Variants in NID2 observed in about 807,000 individuals in gnomAD.
NID2 encodes the protein nidogen-2.
A neutral mutation model predicts 145.4 loss-of-function variants in NID2; 83 were observed. The observed-to-expected ratio is 0.57, with a 90% CI of 0.48 to 0.69. The LOEUF is 0.69. NID2 is among the 30% of genes least tolerant of loss of function. NID2 has a pLI of 0.00. For missense variants in NID2, 1,807 were observed against 1,765.7 expected, an observed-to-expected ratio of 1.02 and a Z score of -0.42; for synonymous variants, 739 against 701.3, an observed-to-expected ratio of 1.05 and a Z score of -0.85.
chr14:52,019,364 GC>G, intron 13 of NID2, 70 bp from the exon 14 acceptor site: 1 of 1,265,380 alleles, frequency 7.9e-7, no homozygotes. Context: ...CACTTCACCA[GC>G]CCACAGCGTG....
At position 52,057,239 on chromosome 14, in the gene NID2, C is replaced by T. The variant is rs561173432; in HGVS notation, c.767+2885G>A. On this transcript the variant is annotated intron_variant, in intron 3 of 21. Transcript: ENST00000216286. Reference sequence around the variant, plus strand: ...TAAATTTTTAGTAGAGATTAGGTCTCGCTATGTTGCCCAGGCTGGCCTTGA... The same window carrying T: ...TAAATTTTTAGTAGAGATTAGGTCTTGCTATGTTGCCCAGGCTGGCCTTGA... Among the ~76,000 whole-genome samples, 718 of 152,182 alleles carry T rather than the reference C, an allele frequency of 4.7e-3. 7 individuals are homozygous for T. Among genetic ancestry groups the T allele is most frequent in the African/African-American group, 0.016 (670 of 41,532 alleles).
Position 52,040,811 on chromosome 14 carries a change from C to A in NID2, c.1866G>T (p.Pro622=), listed in dbSNP as rs146481572. ...GAGTGATACGAACCGTCTCCTCTCCCGGGTAGAATGTAACTTCCATGTCAT... is the reference window on the plus strand; with the variant it reads ...GAGTGATACGAACCGTCTCCTCTCCAGGGTAGAATGTAACTTCCATGTCAT... ...FTHDMEVTFY[P]GEETVRITQT... is the part of the protein sequence containing the mutation. Residue 622 remains proline (P), a synonymous_variant, in exon 8 of 22, where the codon CCG becomes CCT. Transcript: ENST00000216286. 1.9e-6 allele frequency: 3 copies of A among 1,614,132 alleles called. No individual in the cohort carries two copies. Among genetic ancestry groups the A allele is most frequent in the East Asian group, 4.5e-5 (2 of 44,880 alleles).
At chr14:52,030,607 A>AACGGAAGGAAGG (rs1891815674) in intron 9 of NID2, among the ~76,000 whole-genome samples, 5 of 122,696 alleles carry the variant, frequency 4.1e-5, no homozygotes, top group African/African-American at 9.1e-5. Context: ...AGAAAGAAAG[A>AACGGAAGGAAGG]GAAAGAAAAA....
intron 12 of NID2, among the ~76,000 whole-genome samples, chr14:52,023,267 A>G (rs1891465598): frequency 3.3e-5 from 5 of 152,174 alleles, no homozygotes; most frequent in African/African-American, 1.2e-4. Context: ...GATTGAGCTC[A>G]GGAGTTTGAG....
chr14:52,015,696 C>T lies in NID2; in HGVS notation c.3029-421G>A, dbSNP rs77529703. On this transcript the variant is annotated intron_variant, in intron 14 of 21. Coordinates refer to ENST00000216286, the MANE Select transcript of NID2 (RefSeq NM_007361.4). ...AGGTGATCCTTGGGGACTCAGTAGC[C>T]GAGGTGATGCTTAAAGCCAATTTGT... Among the ~76,000 whole-genome samples, 606 of 152,252 alleles carry T rather than the reference C, an allele frequency of 4.0e-3. 1 individual carries two copies. Among genetic ancestry groups the T allele is most frequent in the African/African-American group, 0.014 (568 of 41,544 alleles).
At chr14:52,015,890 TTAG>T (rs1247197621) in intron 14 of NID2, among the ~76,000 whole-genome samples, 2 of 152,132 alleles carry the variant, frequency 1.3e-5, no homozygotes, top group African/African-American at 4.8e-5. Flanking sequence ...CTGAGTGGAA[TTAG>T]TAGTAAAGCA....
chr14:52,038,606 G>T, intron 9 of NID2, 141 bp downstream of exon 9: 1 of 561,008 alleles, frequency 1.8e-6, no homozygotes, highest in Non-Finnish European at 2.9e-6. Context: ...CAACTCAAGG[G>T]CAAGGATCTG....
chr14:52,023,371 C>T (rs1341016682), intron 12 of NID2, among the ~76,000 whole-genome samples: 1 of 151,906 alleles, frequency 6.6e-6, no homozygotes, highest in Non-Finnish European at 1.5e-5. Context: ...GTGAGGATCA[C>T]TTGAGCCTGG....
In NID2 at chr14:52,031,678, C is replaced by A. The variant is rs79432691; in HGVS notation, c.2258-1988G>T. The stretch of plus-strand genomic sequence containing the variant: ...CAGCATCATGGCATCTGTAGGCAGA[C>A]ACTGGCAGTACCACCCATTTTACCA... On this transcript the variant is annotated intron_variant, in intron 9 of 21. Coordinates refer to ENST00000216286, the MANE Select transcript of NID2 (RefSeq NM_007361.4). Among the ~76,000 whole-genome samples the A allele has an allele frequency of 5.9e-5, 9 of 152,334 alleles. No homozygotes were observed. In the East Asian group the frequency reaches 1.7e-3, roughly 29 times the overall value.
intron 3 of NID2, 23 bp from the exon 4 acceptor site, chr14:52,054,344 T>C: frequency 6.3e-7 from 1 of 1,592,914 alleles, no homozygotes; most frequent in South Asian, 1.1e-5. Context: ...GAAACAGTCA[T>C]TGTAACAAAT....
At chr14:52,010,732 C>G (rs1841127728) in intron 18 of NID2, 144 bp downstream of exon 18, 1 of 778,684 alleles carries the variant, frequency 1.3e-6, no homozygotes, top group South Asian at 1.8e-5. Flanking sequence ...CCTGACACCT[C>G]TTAGATCCTC....
chr14:52,058,737 C>T (rs1381886145), intron 3 of NID2, among the ~76,000 whole-genome samples: 1 of 152,114 alleles, frequency 6.6e-6, no homozygotes, highest in Non-Finnish European at 1.5e-5. Flanking sequence ...ATTTGTCTAT[C>T]AACCCTAATA....
At chr14:52,056,751 C>T (rs913154478) in intron 3 of NID2, among the ~76,000 whole-genome samples, 3 of 152,104 alleles carry the variant, frequency 2.0e-5, no homozygotes, top group African/African-American at 7.2e-5. Context: ...GAGGTCATGC[C>T]ACTGCACTCC....
At position 52,065,904 on chromosome 14, in the gene NID2, T is replaced by C. The variant is rs1461567877; in HGVS notation, c.534+1954A>G. On this transcript the variant is annotated intron_variant, in intron 2 of 21. Coordinates refer to ENST00000216286, the MANE Select transcript of NID2 (RefSeq NM_007361.4). Reference sequence around the variant, plus strand: ...CACATTTTCTTAATCCAGTCTATCATTGTTGGACATTTGGGTTGGTTCCAA... The same window carrying C: ...CACATTTTCTTAATCCAGTCTATCACTGTTGGACATTTGGGTTGGTTCCAA... Among the ~76,000 whole-genome samples, 5 of 144,280 alleles carry C rather than the reference T, an allele frequency of 3.5e-5. No homozygotes were observed. In the East Asian group the frequency reaches 6.0e-4, roughly 17 times the overall value. The allele number at this position is 144,280 out of a possible 152,430, so 94.7% of individuals were successfully genotyped here.
intron 14 of NID2, among the ~76,000 whole-genome samples, chr14:52,018,348 T>A (rs1891287294): frequency 6.6e-6 from 1 of 152,238 alleles, no homozygotes; most frequent in Non-Finnish European, 1.5e-5. Flanking sequence ...AAGTTTTACC[T>A]ATCCCTGAAT....
At chr14:52,068,663 T>G in intron 1 of NID2, 104 bp downstream of exon 1, 1 of 1,014,424 alleles carries the variant, frequency 9.9e-7, no homozygotes, top group Non-Finnish European at 1.5e-6. Context: ...GCTGGGGGGC[T>G]CCAGGAGTGG....
chr14:52,048,491 A>G (rs2749881), intron 5 of NID2, among the ~76,000 whole-genome samples: 78,232 of 151,698 alleles, frequency 0.52, 20,500 homozygotes, highest in South Asian at 0.6. Flanking sequence ...TGAGATGTGC[A>G]ATAAACCCAC....
chr14:52,065,125 C>A (rs888843522), intron 2 of NID2, among the ~76,000 whole-genome samples: 3 of 152,114 alleles, frequency 2.0e-5, no homozygotes, highest in Admixed American at 2.0e-4. Flanking sequence ...CTTGACATTC[C>A]TGCAATATCA....
In NID2 at chr14:52,040,652, G is replaced by A. The variant is rs781579929; in HGVS notation, c.2025C>T (p.Ser675=). 7 of 1,613,128 alleles carry A rather than the reference G, an allele frequency of 4.3e-6. No individual in the cohort carries two copies. In the South Asian group the frequency reaches 6.6e-5, roughly 15 times the overall value. ...GATGTGAAGACTGGTTATACATACT[G>A]GAGTCGGAGTAGTGGTACAGCTCCT... ...PYKELYHYSD[S]TVTSTSSRDY... The change falls in exon 8 of 22, where the codon TCC becomes TCT. Residue 675 remains serine (S), a splice_region_variant and synonymous_variant. Coordinates refer to ENST00000216286, the MANE Select transcript of NID2 (RefSeq NM_007361.4).
Sources: allele counts gnomAD v4.1 joint callset (sites outside exome capture counted in the v4.1 genomes callset), GRCh38; gene constraint gnomAD v4.1.1; transcripts MANE v1.5; gene names NCBI Gene and HGNC (gene_info 2026-07-23, HGNC 2026-07-21).